The following STK38L variants were observed in gnomAD, a reference collection of about 807,000 sequenced individuals.
The protein encoded by STK38L is serine/threonine-protein kinase 38-like.
A neutral mutation model predicts 59.7 loss-of-function variants in STK38L; 28 were observed. That is an observed-to-expected ratio of 0.47 (90% CI 0.35 to 0.64). The LOEUF (loss-of-function observed/expected upper bound fraction) is 0.64, where lower values mean the gene tolerates loss of function less well. Among genes scored for constraint, STK38L ranks in the 30% least tolerant of loss-of-function variants. The probability of loss-of-function intolerance (pLI) is 0.01; values close to 1 mark genes in which losing one functional copy is unlikely to be tolerated. For missense variants in STK38L, 314 were observed against 555.8 expected, an observed-to-expected ratio of 0.56 and a Z score of 4.37; for synonymous variants, 162 against 176.8, an observed-to-expected ratio of 0.92 and a Z score of 0.66.
chr12:27,272,474 T>C (rs558293775), intron 1 of STK38L, among the ~76,000 whole-genome samples: 1 of 152,328 alleles, frequency 6.6e-6, no homozygotes, highest in Admixed American at 6.5e-5. Flanking sequence ...GGAAAGTAGC[T>C]CTTTTCCCTC....
chr12:27,302,093 G>C, intron 2 of STK38L, 44 bp from the exon 3 acceptor site: 1 of 1,479,216 alleles, frequency 6.8e-7, no homozygotes, highest in Non-Finnish European at 9.3e-7. Context: ...AGTGGAAATA[G>C]TTAGGAATGT....
chr12:27,308,260 TATC>T lies in STK38L; in HGVS notation c.187-75_187-73del. The T allele has an allele frequency of 7.7e-7, 1 of 1,306,862 alleles. No individual in the cohort carries two copies. Among genetic ancestry groups the T allele is most frequent in the East Asian group, 2.7e-5 (1 of 36,992 alleles). The allele number at this position is 1,306,862 out of a possible 1,614,324, so 81.0% of individuals were successfully genotyped here. On this transcript the variant is annotated intron_variant, in intron 3 of 13. Transcript: ENST00000389032. This position sits in a 1 kb window ranked among gnomAD's most constrained non-coding sequence, Gnocchi z 4.5. ...TAGTGCTATCATTTATTTTTACGTGTATCATCTTTTAATACTAGAAGCTCCATC... is the reference window on the plus strand; with the variant it reads ...TAGTGCTATCATTTATTTTTACGTGTATCTTTTAATACTAGAAGCTCCATC...
At chr12:27,321,580 CTTCTT>C (rs1008091701) in intron 12 of STK38L, among the ~76,000 whole-genome samples, 8 of 152,244 alleles carry the variant, frequency 5.3e-5, no homozygotes, top group South Asian at 2.1e-4. Flanking sequence ...AATAAAACCT[CTTCTT>C]TTACTTTTCA....
At chr12:27,244,902 TA>T (rs1942816865) in intron 1 of STK38L, among the ~76,000 whole-genome samples, 1 of 152,232 alleles carries the variant, frequency 6.6e-6, no homozygotes, top group Non-Finnish European at 1.5e-5. Flanking sequence ...ATTGCACCCG[TA>T]GCCCCTTCCT....
At position 27,249,882 on chromosome 12, in the gene STK38L, A is replaced by C. The variant is rs538119048; in HGVS notation, c.-12+5550A>C. On this transcript the variant is annotated intron_variant, in intron 1 of 13. Transcript: ENST00000389032. ...TTCTTACCTCTTTGAGTTATTTACT[A>C]TCTCTCCAGCTGATTCAGGAGATTT... 1.2e-4 allele frequency among the ~76,000 whole-genome samples: 18 copies of C among 152,300 alleles called. No homozygotes were observed. In the South Asian group the frequency reaches 1.4e-3, roughly 12 times the overall value.
At chr12:27,251,323 T>A (rs1942970979) in intron 1 of STK38L, among the ~76,000 whole-genome samples, 1 of 152,242 alleles carries the variant, frequency 6.6e-6, no homozygotes, top group Non-Finnish European at 1.5e-5. Flanking sequence ...ATATTTGTAT[T>A]ACACTTTATA....
chr12:27,303,651 A>G (rs1944235231), intron 3 of STK38L, among the ~76,000 whole-genome samples: 2 of 152,212 alleles, frequency 1.3e-5, no homozygotes, highest in Non-Finnish European at 2.9e-5. Flanking sequence ...ATATGTACGC[A>G]TGATAGAATG....
At chr12:27,267,820 T>C (rs1293513544) in intron 1 of STK38L, among the ~76,000 whole-genome samples, 1 of 152,190 alleles carries the variant, frequency 6.6e-6, no homozygotes, top group Non-Finnish European at 1.5e-5. Context: ...TTTATTTCCC[T>C]GATTAGAATT....
chr12:27,269,470 A>G (rs1943372511), intron 1 of STK38L, among the ~76,000 whole-genome samples: 1 of 152,020 alleles, frequency 6.6e-6, no homozygotes, highest in Admixed American at 6.5e-5. Flanking sequence ...GTTCTGTTCC[A>G]TTGGTCTATA....
At chr12:27,309,576 G>A (rs1195485336) in intron 5 of STK38L, among the ~76,000 whole-genome samples, 3 of 152,290 alleles carry the variant, frequency 2.0e-5, no homozygotes, top group Non-Finnish European at 2.9e-5. Context: ...TCCTTGGTGT[G>A]TGCGGGGACA....
chr12:27,315,888 A>G (rs1944574048), intron 9 of STK38L, among the ~76,000 whole-genome samples: 1 of 152,210 alleles, frequency 6.6e-6, no homozygotes, highest in African/African-American at 2.4e-5. Flanking sequence ...TTTTAACCCC[A>G]TACTATTTCC....
At chr12:27,289,035 A>G (rs922464783) in intron 1 of STK38L, among the ~76,000 whole-genome samples, 1 of 152,170 alleles carries the variant, frequency 6.6e-6, no homozygotes, top group African/African-American at 2.4e-5. Context: ...GTGCTAGATT[A>G]TAAGTATTTG....
intron 6 of STK38L, 43 bp from the exon 7 acceptor site, chr12:27,314,461 G>A: frequency 2.2e-6 from 3 of 1,343,984 alleles, no homozygotes; most frequent in Middle Eastern, 2.0e-4. Flanking sequence ...TTCCACCTTT[G>A]AGGCATTTTC....
chr12:27,280,275 T>A (rs1203763141), intron 1 of STK38L, among the ~76,000 whole-genome samples: 2 of 152,214 alleles, frequency 1.3e-5, no homozygotes, highest in African/African-American at 4.8e-5. Context: ...AACTTTTGAT[T>A]ATGCAATGAA....
chr12:27,290,736 G>A (rs1277985293), intron 1 of STK38L, among the ~76,000 whole-genome samples: 3 of 152,188 alleles, frequency 2.0e-5, no homozygotes, highest in African/African-American at 4.8e-5. Context: ...GTTGGTGGAC[G>A]GGTGGGATGT....
chr12:27,253,101 G>A (rs1486447066), intron 1 of STK38L, among the ~76,000 whole-genome samples: 2 of 152,216 alleles, frequency 1.3e-5, no homozygotes, highest in African/African-American at 4.8e-5. Flanking sequence ...GCATTTCAGA[G>A]TGAAGGACAT....
chr12:27,311,494 A>G (rs1944451890), intron 5 of STK38L, among the ~76,000 whole-genome samples: 1 of 152,230 alleles, frequency 6.6e-6, no homozygotes, highest in African/African-American at 2.4e-5. Context: ...CATAAATCAA[A>G]TCTTATTAAT....
intron 3 of STK38L, among the ~76,000 whole-genome samples, chr12:27,304,433 G>A (rs975057557): frequency 5.9e-5 from 9 of 151,968 alleles, no homozygotes; most frequent in African/African-American, 2.2e-4. Flanking sequence ...TATACTAAAG[G>A]TGGTAACTTT....
At chr12:27,291,122 T>A (rs1273940386) in intron 1 of STK38L, among the ~76,000 whole-genome samples, 1 of 152,194 alleles carries the variant, frequency 6.6e-6, no homozygotes, top group Non-Finnish European at 1.5e-5. Flanking sequence ...TCTGGGTACT[T>A]GGGTAAAAAC....
Sources: allele counts gnomAD v4.1 joint callset (sites outside exome capture counted in the v4.1 genomes callset), GRCh38; gene constraint gnomAD v4.1.1; non-coding constraint Gnocchi (gnomAD v3.1); transcripts MANE v1.5; gene names NCBI Gene and HGNC (gene_info 2026-07-23, HGNC 2026-07-21).